The following XIRP2 variants were observed in gnomAD, a reference collection of about 807,000 sequenced individuals.
XIRP2 encodes the protein xin actin-binding repeat-containing protein 2.
A neutral mutation model predicts 277.0 loss-of-function variants in XIRP2; 236 were observed. The observed-to-expected ratio is 0.85, with a 90% CI of 0.77 to 0.95. The LOEUF is 0.95. Among genes scored for constraint, XIRP2 ranks in the 40% least tolerant of loss-of-function variants. The pLI, the probability that XIRP2 is intolerant of heterozygous loss-of-function variation, is 0.00. For synonymous variants in XIRP2, 1,490 were observed against 1,416.5 expected, an observed-to-expected ratio of 1.05 and a Z score of -1.17; for missense variants, 4,640 against 4,157.5, an observed-to-expected ratio of 1.12 and a Z score of -3.19.
At chr2:167,048,559 G>C (rs146402331) in intron 2 of XIRP2, among the ~76,000 whole-genome samples, 1 of 151,544 alleles carries the variant, frequency 6.6e-6, no homozygotes, top group Non-Finnish European at 1.5e-5. Flanking sequence ...CATTCTATTA[G>C]AGAAATCATA....
intron 2 of XIRP2, among the ~76,000 whole-genome samples, chr2:167,108,799 T>C (rs1213513727): frequency 1.3e-5 from 2 of 151,870 alleles, no homozygotes; most frequent in East Asian, 1.9e-4. Flanking sequence ...AAATCTATAG[T>C]GTGATTATGT....
intron 2 of XIRP2, among the ~76,000 whole-genome samples, chr2:167,106,075 T>C (rs1690609702): frequency 1.3e-5 from 2 of 151,380 alleles, no homozygotes; most frequent in Admixed American, 6.6e-5. Context: ...CAGATACTAG[T>C]CACTTGACAC....
intron 1 of XIRP2, among the ~76,000 whole-genome samples, chr2:166,895,304 A>G (rs1224874200): frequency 1.3e-5 from 2 of 152,116 alleles, no homozygotes; most frequent in Non-Finnish European, 1.5e-5. Context: ...TGTGGCTTCC[A>G]TGGCAATTTG....
intron 2 of XIRP2, among the ~76,000 whole-genome samples, chr2:167,032,193 A>G (rs1187521738): frequency 6.6e-6 from 1 of 152,214 alleles, no homozygotes; most frequent in Non-Finnish European, 1.5e-5. Flanking sequence ...GACAAAAACA[A>G]GCAATGGGGA....
At chr2:167,061,977 G>A (rs2105240773) in intron 2 of XIRP2, among the ~76,000 whole-genome samples, 1 of 152,176 alleles carries the variant, frequency 6.6e-6, no homozygotes, top group Non-Finnish European at 1.5e-5. Context: ...TCAGTTTTTT[G>A]ATAAACATAT....
intron 2 of XIRP2, among the ~76,000 whole-genome samples, chr2:167,084,974 C>T (rs1245055753): frequency 3.4e-4 from 47 of 138,096 alleles, no homozygotes; most frequent in African/African-American, 1.1e-3. Flanking sequence ...TTATTTCTTG[C>T]CTTCTGCTAG....
intron 5 of XIRP2, among the ~76,000 whole-genome samples, chr2:167,234,815 A>T (rs188495300): frequency 4.8e-4 from 73 of 151,946 alleles, no homozygotes; most frequent in African/African-American, 1.6e-3. Context: ...AAAAATGAAG[A>T]TAAATAATTG....
chr2:166,898,400 G>A (rs1050028020), intron 1 of XIRP2, among the ~76,000 whole-genome samples: 2 of 152,146 alleles, frequency 1.3e-5, no homozygotes, highest in African/African-American at 4.8e-5. Flanking sequence ...CAGTGTGAAT[G>A]CTGGTACTGC....
At chr2:167,112,755 G>A (rs1189727149) in intron 2 of XIRP2, among the ~76,000 whole-genome samples, 1 of 152,028 alleles carries the variant, frequency 6.6e-6, no homozygotes, top group Non-Finnish European at 1.5e-5. Context: ...GGGTTCAAGT[G>A]ATTCTCGTAC....
At chr2:166,973,403 G>A (rs1686627158) in intron 2 of XIRP2, among the ~76,000 whole-genome samples, 1 of 152,110 alleles carries the variant, frequency 6.6e-6, no homozygotes, top group African/African-American at 2.4e-5. Flanking sequence ...AAACATTTTA[G>A]ATGTAAGTGT....
chr2:167,097,985 T>C (rs1221295236), intron 2 of XIRP2, among the ~76,000 whole-genome samples: 1 of 152,218 alleles, frequency 6.6e-6, no homozygotes, highest in Non-Finnish European at 1.5e-5. Flanking sequence ...TTAACATTTT[T>C]TCCTTCATTT....
rs892651364 is a variant in XIRP2, at chr2:167,244,122, G to A, written c.2730G>A (p.Arg910=). Residue 910 remains arginine (R), a synonymous_variant, in exon 9 of 11, where the codon AGG becomes AGA. Transcript: ENST00000409195. ...TASEEEKGDV[R]HQKWIFETQP... is the part of the protein sequence containing the mutation. ...CTGAAGAAGAAAAAGGGGATGTTAG[G>A]CATCAAAAATGGATTTTTGAAACCC... is the stretch of plus-strand genomic sequence containing the variant. The A allele has an allele frequency of 5.0e-6, 8 of 1,613,718 alleles. No homozygotes were observed. The highest frequency in any genetic ancestry group is 5.1e-6 in the Non-Finnish European group (6 of 1,179,904).
intron 3 of XIRP2, among the ~76,000 whole-genome samples, chr2:167,145,307 A>G (rs1045630029): frequency 7.2e-5 from 11 of 152,108 alleles, no homozygotes; most frequent in African/African-American, 2.7e-4. Flanking sequence ...AAGTCCAAAA[A>G]TTTTCCCCAC....
At chr2:167,153,978 C>T (rs201006927) in intron 3 of XIRP2, among the ~76,000 whole-genome samples, 10,247 of 143,132 alleles carry the variant, frequency 0.072, 399 homozygotes, top group South Asian at 0.11. Context: ...CCTGAGGAAT[C>T]GCCACACTGA....
intron 3 of XIRP2, among the ~76,000 whole-genome samples, chr2:167,186,816 T>C (rs1207488495): frequency 6.6e-6 from 1 of 151,964 alleles, no homozygotes; most frequent in Non-Finnish European, 1.5e-5. Context: ...TTTTTTTTTT[T>C]TTTTTAACTA....
At chr2:167,186,918 A>G (rs1182118949) in intron 3 of XIRP2, among the ~76,000 whole-genome samples, 3 of 152,042 alleles carry the variant, frequency 2.0e-5, no homozygotes, top group African/African-American at 7.2e-5. Flanking sequence ...TTACATATCT[A>G]AGAACATTTT....
chr2:167,145,989 T>C (rs1691852439), intron 3 of XIRP2, among the ~76,000 whole-genome samples: 1 of 152,082 alleles, frequency 6.6e-6, no homozygotes, highest in African/African-American at 2.4e-5. Flanking sequence ...TCAAAAGATA[T>C]TGAGCTGGAT....
chr2:167,218,783 C>T (rs563310532), intron 5 of XIRP2, among the ~76,000 whole-genome samples: 1 of 152,222 alleles, frequency 6.6e-6, no homozygotes, highest in East Asian at 1.9e-4. Flanking sequence ...TTACATAAAA[C>T]CACATAATAT....
At chr2:167,165,395 G>A (rs566876946) in intron 3 of XIRP2, among the ~76,000 whole-genome samples, 24 of 152,324 alleles carry the variant, frequency 1.6e-4, no homozygotes, top group Admixed American at 1.6e-3. Flanking sequence ...TGATAAAAGT[G>A]TGTTTAGTTT....
Sources: allele counts gnomAD v4.1 joint callset (sites outside exome capture counted in the v4.1 genomes callset), GRCh38; gene constraint gnomAD v4.1.1; transcripts MANE v1.5; gene names NCBI Gene and HGNC (gene_info 2026-07-23, HGNC 2026-07-21).